The following ADGRG1 variants were observed in gnomAD, a reference collection of about 807,000 sequenced individuals.
The protein encoded by ADGRG1 is adhesion G protein-coupled receptor G1.
In ADGRG1, 53 loss-of-function variants were observed where a neutral mutation model predicts 73.5. That is an observed-to-expected ratio of 0.72 (90% CI 0.58 to 0.91). ADGRG1 has a LOEUF of 0.91. ADGRG1 is among the 40% of genes least tolerant of loss of function. The pLI is 0.00. For missense variants in ADGRG1, 795 were observed against 871.8 expected, an observed-to-expected ratio of 0.91 and a Z score of 1.11; for synonymous variants, 394 against 374.4, an observed-to-expected ratio of 1.05 and a Z score of -0.60.
intron 4 of ADGRG1, 131 bp from the exon 5 acceptor site, chr16:57,653,855 C>A (rs1262462980): frequency 6.3e-7 from 1 of 1,582,692 alleles, no homozygotes; most frequent in Non-Finnish European, 8.5e-7. Context: ...CACCCCACCC[C>A]TCTCTCTGCC....
Position 57,657,368 on chromosome 16 carries a change from G to A in ADGRG1, c.1168-5G>A, listed in dbSNP as rs1488185493. The A allele has an allele frequency of 2.5e-6, 4 of 1,613,840 alleles. No individual in the cohort carries two copies. Among genetic ancestry groups the A allele is most frequent in the Non-Finnish European group, 3.4e-6 (4 of 1,179,894 alleles). On this transcript the variant is annotated splice_polypyrimidine_tract_variant and splice_region_variant and intron_variant, in intron 9 of 13. Transcript: ENST00000562631. The stretch of plus-strand genomic sequence containing the variant: ...GGCCAGCTCTCTCCTGTCTCCTGGG[G>A]CCAGGTCTCCTCGGTGGAGGTGGAC...
chr16:57,630,430 C>T (rs749729373), intron 1 of ADGRG1: 11 of 985,652 alleles, frequency 1.1e-5, no homozygotes, highest in East Asian at 2.3e-4. Flanking sequence ...ACTGTGGCCC[C>T]CTTGCCCTTC....
intron 1 of ADGRG1, chr16:57,636,621 T>C (rs1473282399): frequency 1.0e-6 from 1 of 985,214 alleles, no homozygotes; most frequent in East Asian, 1.1e-4. Context: ...AGATCTTCTA[T>C]CAGGAATGGC....
rs192574218 is a variant in ADGRG1, at chr16:57,658,221, T to G, written c.1286+730T>G. Among the ~76,000 whole-genome samples the G allele has an allele frequency of 3.0e-3, 458 of 152,362 alleles. 2 individuals are homozygous for G. The highest frequency in any genetic ancestry group is 0.011 in the African/African-American group (438 of 41,574). The stretch of plus-strand genomic sequence containing the variant: ...AATATCACAGCGGTAATGATCATAC[T>G]TAACGTGTGTCAAACTTCCCGTGTG... On this transcript the variant is annotated intron_variant, in intron 10 of 13. Coordinates refer to ENST00000562631, the MANE Select transcript of ADGRG1 (RefSeq NM_201525.4).
At chr16:57,647,086 A>T (rs551406036) in intron 1 of ADGRG1, 1 of 984,440 alleles carries the variant, frequency 1.0e-6, no homozygotes, top group Non-Finnish European at 1.2e-6. Flanking sequence ...GGCAGGTGGC[A>T]GGTGTGTGTG....
rs140581163 is a variant in ADGRG1, at chr16:57,646,572, C to G, written c.-35-3681C>G. 958 of 985,442 alleles carry G rather than the reference C, an allele frequency of 9.7e-4. 7 individuals carry two copies. The African/African-American group carries it at 0.016, about 16-fold the overall frequency. The allele number at this position is 985,442 out of a possible 1,614,324, so 61.0% of individuals were successfully genotyped here. A position where few individuals can be genotyped will look rare whatever the true frequency, so the allele number is the denominator to read the frequency against. On this transcript the variant is annotated intron_variant, in intron 1 of 13. Coordinates refer to ENST00000562631, the MANE Select transcript of ADGRG1 (RefSeq NM_201525.4). ...CCTTGGGCCTCAGCCCCAGCACCCT[C>G]TATCCCAGGCTGGATTCTCTGCTAC... is the stretch of plus-strand genomic sequence containing the variant.
chr16:57,646,124 G>C (rs1321598564), intron 1 of ADGRG1: 1 of 152,740 alleles, frequency 6.5e-6, no homozygotes, highest in Non-Finnish European at 1.5e-5. Flanking sequence ...GCCTGCCCGG[G>C]AAGGGTTAAT....
chr16:57,642,339 G>A (rs2041049512), intron 1 of ADGRG1: 1 of 985,398 alleles, frequency 1.0e-6, no homozygotes, highest in Non-Finnish European at 1.2e-6. Context: ...GGATGATGAT[G>A]AGTGGCCCTG....
At position 57,656,530 on chromosome 16, in the gene ADGRG1, T is replaced by C. The variant is rs2148446515; in HGVS notation, c.1080T>C (p.His360=). The change falls in exon 9 of 14, where the codon CAT becomes CAC. Residue 360 remains histidine (H), a synonymous_variant. Coordinates refer to ENST00000562631, the MANE Select transcript of ADGRG1 (RefSeq NM_201525.4). The part of the protein sequence containing the change: ...VEDPTLSSPG[H]WSSAGCETVR... Reference sequence around the variant, plus strand: ...CCTCCTCAGTGAGCAGCCCGGGGCATTGGAGCAGTGCTGGGTGTGAGACCG... The same window carrying C: ...CCTCCTCAGTGAGCAGCCCGGGGCACTGGAGCAGTGCTGGGTGTGAGACCG... 6.2e-7 allele frequency: 1 copy of C among 1,613,178 alleles called. No homozygotes were observed. Among genetic ancestry groups the C allele is most frequent in the Non-Finnish European group, 8.5e-7 (1 of 1,179,188 alleles).
intron 11 of ADGRG1, chr16:57,660,558 A>G (rs1379118185): frequency 2.6e-6 from 2 of 771,562 alleles, no homozygotes; most frequent in Non-Finnish European, 3.2e-6. Flanking sequence ...CTAAGGTTGG[A>G]GGAGATGGCA....
intron 1 of ADGRG1, chr16:57,637,708 A>G (rs528203190): frequency 7.1e-6 from 7 of 985,058 alleles, no homozygotes; most frequent in Non-Finnish European, 8.4e-6. Context: ...TCCTGACTGA[A>G]GCTGCCTCCT....
At chr16:57,647,453 A>T in intron 1 of ADGRG1, 1 of 984,702 alleles carries the variant, frequency 1.0e-6, no homozygotes, top group Non-Finnish European at 1.2e-6. Flanking sequence ...GTACAGAGAT[A>T]CTTAGCTGAG....
intron 7 of ADGRG1, 81 bp from the exon 8 acceptor site, chr16:57,656,140 GTGTTC>G: frequency 6.2e-7 from 1 of 1,613,626 alleles, no homozygotes; most frequent in Non-Finnish European, 8.5e-7. Flanking sequence ...TGGCTTGACT[GTGTTC>G]TAGACTTCCT....
intron 1 of ADGRG1, chr16:57,637,223 C>G: frequency 2.9e-6 from 2 of 682,638 alleles, no homozygotes; most frequent in Non-Finnish European, 3.6e-6. Flanking sequence ...ACAAAATGAG[C>G]TTCATCATTT....
chr16:57,621,837 G>T (rs2034882087), intron 2 of ADGRG1: 1 of 984,414 alleles, frequency 1.0e-6, no homozygotes, highest in African/African-American at 1.7e-5. Context: ...CAAGTAGGAT[G>T]GTCTTGAGGT....
rs1370731788 is a variant in ADGRG1 at position 57,657,308 on chromosome 16, C to T, written c.1168-65C>T. On this transcript the variant is annotated intron_variant, in intron 9 of 13. Transcript: ENST00000562631. ...AGGGACCCCAGGTTAGCCCCTCACG[C>T]AGGGCAAGCCTCCAGGTTGTGTGGG... is the stretch of plus-strand genomic sequence containing the variant. The T allele has an allele frequency of 5.0e-6, 8 of 1,609,806 alleles. No homozygotes were observed. The African/African-American group carries it at 1.1e-4, about 22-fold the overall frequency.
chr16:57,642,047 CT>C (rs2040978343), intron 1 of ADGRG1: 1 of 983,208 alleles, frequency 1.0e-6, no homozygotes, highest in Non-Finnish European at 1.2e-6. Flanking sequence ...ACTACTACCC[CT>C]GGCTTCAATT....
chr16:57,637,673 G>C (rs1369363995), intron 1 of ADGRG1: 9 of 985,282 alleles, frequency 9.1e-6, no homozygotes, highest in Non-Finnish European at 9.6e-6. Context: ...CCCAGCTCTG[G>C]GCCTGCAGTG....
intron 1 of ADGRG1, chr16:57,648,492 G>A (rs1052099032): frequency 2.1e-6 from 2 of 971,682 alleles, no homozygotes; most frequent in Non-Finnish European, 2.4e-6. Flanking sequence ...CATTCCACAT[G>A]GTGGGACGCA....
Sources: gnomAD v4.1 joint callset for allele counts (sites outside exome capture counted in the v4.1 genomes callset) on GRCh38, gnomAD v4.1.1 for gene constraint, MANE v1.5 for transcripts, NCBI Gene and HGNC (gene_info 2026-07-23, HGNC 2026-07-21) for gene names.